Variants in LMBR1 observed in about 807,000 individuals in gnomAD.
The protein encoded by LMBR1 is limb development membrane protein 1.
In LMBR1, 52 loss-of-function variants were observed where a neutral mutation model predicts 73.9. The observed-to-expected ratio is 0.70, with a 90% CI of 0.56 to 0.89. The LOEUF (loss-of-function observed/expected upper bound fraction) is 0.89. LMBR1 is among the 40% of genes least tolerant of loss of function. LMBR1 has a pLI of 0.00. For missense variants in LMBR1, 539 were observed against 579.8 expected (o/e 0.93, Z 0.72); for synonymous variants, 215 against 209.4 (o/e 1.03, Z -0.23).
In LMBR1 at chr7:156,756,439, A is replaced by C; in HGVS notation, c.711T>G (p.Ile237Met). 2 of 1,507,736 alleles carry C rather than the reference A, an allele frequency of 1.3e-6. No individual in the cohort carries two copies. The highest frequency in any genetic ancestry group is 1.8e-6 in the Non-Finnish European group (2 of 1,092,802). 93.4% of individuals were successfully genotyped at this position (1,507,736 alleles called of 1,614,324 possible). ...CTTCTTCCTCTAAGGTAATGATATA[A>C]ATTTGTTCATCCAGGTCTTCAAGAA... ...PTILEDLDEQ[I>M]YIITLEEEAL... Residue 237 changes from isoleucine (I) to methionine (M), a missense_variant, in exon 9 of 17, where the codon ATT (isoleucine) becomes ATG (methionine). Physicochemically the swap from Ile to Met is conservative, Grantham distance 10. Around this residue, in one of 3 missense-constraint regions of LMBR1, gnomAD observed 454 missense variants for 473.4 expected, o/e 0.96. Coordinates refer to ENST00000353442, the MANE Select transcript of LMBR1 (RefSeq NM_022458.4).
At chr7:156,811,540 C>T (rs531697619) in intron 4 of LMBR1, among the ~76,000 whole-genome samples, 23 of 151,966 alleles carry the variant, frequency 1.5e-4, no homozygotes, top group African/African-American at 4.6e-4. Flanking sequence ...ACCCGGGAGG[C>T]GGAGGTTGCA....
At chr7:156,889,375 ATCT>A (rs1802510335) in intron 1 of LMBR1, among the ~76,000 whole-genome samples, 1 of 118,388 alleles carries the variant, frequency 8.4e-6, no homozygotes, top group African/African-American at 3.3e-5. Context: ...ATATATATAT[ATCT>A]TATTATGATA....
At chr7:156,708,017 C>A (rs1203722861) in intron 15 of LMBR1, among the ~76,000 whole-genome samples, 1 of 150,230 alleles carries the variant, frequency 6.7e-6, no homozygotes, top group Non-Finnish European at 1.5e-5. Flanking sequence ...TGTACAAAAA[C>A]CAGTTGCATT....
intron 1 of LMBR1, among the ~76,000 whole-genome samples, chr7:156,864,474 C>A (rs866222437): frequency 1.3e-5 from 2 of 152,146 alleles, no homozygotes; most frequent in Non-Finnish European, 1.5e-5. Context: ...CACTGCATGC[C>A]TTGGAGGGTG....
At chr7:156,761,989 A>AAAAAAAAAAAAAAAAAAAAC (rs1265336535) in intron 8 of LMBR1, 145 bp downstream of exon 8, 1 of 584,832 alleles carries the variant, frequency 1.7e-6, no homozygotes, top group African/African-American at 1.9e-5. Flanking sequence ...AAAAAAAAAA[A>AAAAAAAAAAAAAAAAAAAAC]AAACTTAATA....
chr7:156,675,830 C>G (rs1364429196), downstream of LMBR1: 1 of 1,614,082 alleles, frequency 6.2e-7, no homozygotes, highest in Admixed American at 1.7e-5. Flanking sequence ...GCCATGAGAT[C>G]ACAGAAGAGG....
intron 16 of LMBR1, among the ~76,000 whole-genome samples, 157 bp downstream of exon 16, chr7:156,687,873 C>T (rs1806304971): frequency 6.6e-6 from 1 of 152,122 alleles, no homozygotes; most frequent in African/African-American, 2.4e-5. Flanking sequence ...GAAGCTAAGG[C>T]TTAATGAAGG....
rs146006766 is a variant in LMBR1 at position 156,826,119 on chromosome 7, A to G, written c.319+486T>C. Among the ~76,000 whole-genome samples, 1,008 of 152,308 alleles carry G rather than the reference A, an allele frequency of 6.6e-3. 12 individuals are homozygous for G. The highest frequency in any genetic ancestry group is 0.023 in the African/African-American group (943 of 41,544). On this transcript the variant is annotated intron_variant, in intron 4 of 16. Transcript: ENST00000353442. ...CTCAGCCTCCCAAGTAGCTGGGATT[A>G]TAAGCGCGTGCCACCATGCCTGGCT... is the stretch of plus-strand genomic sequence containing the variant.
chr7:156,854,682 C>G (rs1263703367), intron 1 of LMBR1, among the ~76,000 whole-genome samples: 1 of 152,140 alleles, frequency 6.6e-6, no homozygotes, highest in South Asian at 2.1e-4. Flanking sequence ...GGTCAAAAGC[C>G]GAGTAGCACC....
At chr7:156,720,962 A>G (rs1814436265) in intron 15 of LMBR1, among the ~76,000 whole-genome samples, 1 of 152,046 alleles carries the variant, frequency 6.6e-6, no homozygotes, top group Non-Finnish European at 1.5e-5. Context: ...CCTCTCCAAA[A>G]AAGACCCGTT....
intron 4 of LMBR1, among the ~76,000 whole-genome samples, chr7:156,821,839 G>A (rs1284044873): frequency 2.0e-5 from 3 of 152,164 alleles, no homozygotes; most frequent in Non-Finnish European, 2.9e-5. Context: ...TGGTAGGGAC[G>A]GAGATCATAC....
chr7:156,853,159 C>T (rs566802860), intron 1 of LMBR1, among the ~76,000 whole-genome samples: 2 of 151,808 alleles, frequency 1.3e-5, no homozygotes, highest in Non-Finnish European at 2.9e-5. Context: ...AGGATGGTCT[C>T]GATCTCCTGA....
intron 2 of LMBR1, among the ~76,000 whole-genome samples, chr7:156,835,719 A>T (rs556629259): frequency 6.6e-6 from 1 of 151,478 alleles, no homozygotes; most frequent in East Asian, 1.9e-4. Flanking sequence ...AAAAACATCA[A>T]GTCTTAGAGA....
At position 156,826,603 on chromosome 7, in the gene LMBR1, A is replaced by G; in HGVS notation, c.319+2T>C. On this transcript the variant is annotated splice_donor_variant, in intron 4 of 16. Coordinates refer to ENST00000353442, the MANE Select transcript of LMBR1 (RefSeq NM_022458.4). LOFTEE classifies it high-confidence loss of function. Reference sequence around the variant, plus strand: ...TGATTATATTAAGCAATATATACTAACCATGAATCAGGGAGCCATTTAGCC... The same window carrying G: ...TGATTATATTAAGCAATATATACTAGCCATGAATCAGGGAGCCATTTAGCC... 6.5e-7 allele frequency: 1 copy of G among 1,531,490 alleles called. No individual in the cohort carries two copies. Among genetic ancestry groups the G allele is most frequent in the Non-Finnish European group, 8.8e-7 (1 of 1,131,468 alleles). The allele number at this position is 1,531,490 out of a possible 1,614,324, so 94.9% of individuals were successfully genotyped here.
chr7:156,873,876 C>G (rs1799726166), intron 1 of LMBR1, among the ~76,000 whole-genome samples: 1 of 152,266 alleles, frequency 6.6e-6, no homozygotes, highest in African/African-American at 2.4e-5. Flanking sequence ...GGTGTATTTA[C>G]AATCCCTGAG....
At chr7:156,736,377 G>A in intron 9 of LMBR1, 1 of 368,918 alleles carries the variant, frequency 2.7e-6, no homozygotes, top group Non-Finnish European at 5.4e-6. Context: ...TCATTATTTA[G>A]TATAATAGCT....
At chr7:156,689,313 GTAA>G (rs1417706019) in intron 15 of LMBR1, among the ~76,000 whole-genome samples, 10 of 152,110 alleles carry the variant, frequency 6.6e-5, no homozygotes, top group Non-Finnish European at 1.3e-4. Context: ...ATTAGAATAA[GTAA>G]TAACAATCGT....
intron 10 of LMBR1, among the ~76,000 whole-genome samples, chr7:156,730,321 C>G (rs1175230162): frequency 6.6e-6 from 1 of 152,176 alleles, no homozygotes; most frequent in Non-Finnish European, 1.5e-5. Context: ...TTCTGTCAGG[C>G]TCATGTTTCT....
intron 1 of LMBR1, among the ~76,000 whole-genome samples, chr7:156,884,495 T>C (rs573369304): frequency 6.6e-6 from 1 of 152,344 alleles, no homozygotes; most frequent in East Asian, 1.9e-4. Flanking sequence ...AGCTTTAGCT[T>C]TATTCCAGTC....
Sources: gnomAD v4.1 joint callset for allele counts (sites outside exome capture counted in the v4.1 genomes callset) on GRCh38, gnomAD v4.1.1 for gene constraint, gnomAD v4.1.1 regional missense constraint, MANE v1.5 for transcripts, NCBI Gene and HGNC (gene_info 2026-07-23, HGNC 2026-07-21) for gene names.